ZNF534: variants seen among roughly 807,000 people sequenced by gnomAD.
ZNF534 encodes the protein KRAB domain only 3.
Under a neutral mutation model 13.6 loss-of-function variants are expected in ZNF534, and 19 were observed. That is an observed-to-expected ratio of 1.40 (90% CI 0.97 to 2.05). ZNF534 has a LOEUF of 2.05. Among genes scored for constraint, ZNF534 ranks in the 30% most tolerant of loss-of-function variants. The probability of loss-of-function intolerance (pLI) is 0.00; values close to 1 mark genes in which losing one functional copy is unlikely to be tolerated. For synonymous variants in ZNF534, 244 were observed against 273.8 expected (o/e 0.89, Z 1.07); for missense variants, 782 against 796.3 (o/e 0.98, Z 0.22).
chr19:52,450,681 T>G (rs545485289), intron 4 of ZNF534, among the ~76,000 whole-genome samples: 1,102 of 27,464 alleles, frequency 0.04, 28 homozygotes, highest in African/African-American at 0.12. Context: ...TTTTTTTTTT[T>G]TTTGTTTTTG....
At chr19:52,430,054 C>T (rs7252566) in intron 1 of ZNF534, among the ~76,000 whole-genome samples, 4,152 of 149,612 alleles carry the variant, frequency 0.028, 120 homozygotes, top group African/African-American at 0.069. Flanking sequence ...CTCACTCTGA[C>T]GCCAAGGCTG....
At chr19:52,431,147 G>A (rs1284851339) in intron 1 of ZNF534, among the ~76,000 whole-genome samples, 3 of 152,160 alleles carry the variant, frequency 2.0e-5, no homozygotes, top group Admixed American at 6.6e-5. Context: ...CACCGCACCC[G>A]GCCAAGTCTG....
rs1363048003 is a variant in ZNF534 at position 52,435,125 on chromosome 19, A to G, written c.187A>G (p.Lys63Glu). The G allele has an allele frequency of 6.2e-7, 1 of 1,613,302 alleles. No homozygotes were observed. Among genetic ancestry groups the G allele is most frequent in the Admixed American group, 1.7e-5 (1 of 59,968 alleles). ...DLSVTSMLEQKRDPWTLQSEV... is the reference protein window; with the variant it reads ...DLSVTSMLEQERDPWTLQSEV... ...GAGTGTTACCTCCATGTTGGAGCAA[A>G]AGAGAGATCCCTGGACTCTGCAGAG... Residue 63 changes from lysine to glutamate, a missense_variant, in exon 4 of 5, where the codon AAG becomes GAG. Around this residue, in one of 5 missense-constraint regions of ZNF534, gnomAD observed 30 missense variants for 55.4 expected, o/e 0.54. Coordinates refer to ENST00000433050, the MANE Select transcript of ZNF534 (RefSeq NM_001143938.3).
chr19:52,440,001 G>T lies in ZNF534; in HGVS notation c.*555G>T, dbSNP rs1017953177. Among the ~76,000 whole-genome samples, 1 of 152,170 alleles carries T rather than the reference G, an allele frequency of 6.6e-6. No homozygotes were observed. Among genetic ancestry groups the T allele is most frequent in the African/African-American group, 2.4e-5 (1 of 41,438 alleles). ...GAGAATTGCTTGAACCTGGGAGGCA[G>T]AGGTTGTGATGAGCCGAGATTGCAA... On this transcript the variant is annotated 3_prime_UTR_variant, in exon 5 of 5. Transcript: ENST00000433050.
intron 2 of ZNF534, among the ~76,000 whole-genome samples, chr19:52,433,302 C>CTTGTATCT (rs1387463780): frequency 6.9e-6 from 1 of 145,436 alleles, no homozygotes; most frequent in Non-Finnish European, 1.5e-5. Context: ...GAAGACACTA[C>CTTGTATCT]TTGTATCTCA....
Position 52,438,161 on chromosome 19 carries a change from G to T in ZNF534, c.701G>T (p.Arg234Leu). 6.2e-7 allele frequency: 1 copy of T among 1,613,670 alleles called. No individual in the cohort carries two copies. The highest frequency in any genetic ancestry group is 8.5e-7 in the Non-Finnish European group (1 of 1,179,892). ...SSNSNFAQHQ[R>L]IHTGEKPYKY... is the part of the protein sequence containing the mutation. ...AATTCAAACTTTGCACAACATCAAC[G>T]AATCCATACTGGAGAGAAGCCTTAC... Residue 234 changes from arginine (R) to leucine (L), a missense_variant, in exon 5 of 5, where the codon CGA becomes CTA. Around this residue, in one of 5 missense-constraint regions of ZNF534, gnomAD observed 591 missense variants for 574.0 expected, o/e 1.03. Transcript: ENST00000433050.
chr19:52,436,067 G>T (rs1190968967), intron 4 of ZNF534, among the ~76,000 whole-genome samples: 1 of 151,136 alleles, frequency 6.6e-6, no homozygotes, highest in African/African-American at 2.4e-5. Flanking sequence ...CTCCCAAGTA[G>T]CTGGGACTAC....
chr19:52,435,308 C>A, intron 4 of ZNF534, 99 bp downstream of exon 4: 2 of 1,338,172 alleles, frequency 1.5e-6, no homozygotes, highest in South Asian at 1.7e-5. Context: ...GCAATCATAG[C>A]TCACAGCAGC....
At chr19:52,436,616 TTG>T (rs2059130623) in intron 4 of ZNF534, among the ~76,000 whole-genome samples, 1 of 152,216 alleles carries the variant, frequency 6.6e-6, no homozygotes, top group African/African-American at 2.4e-5. Context: ...GTATTAGGGT[TTG>T]TAAGGTTTTC....
intron 4 of ZNF534, among the ~76,000 whole-genome samples, chr19:52,447,963 T>C (rs1277429519): frequency 2.6e-5 from 4 of 152,118 alleles, no homozygotes; most frequent in Non-Finnish European, 4.4e-5. Context: ...AAGTAGTCCC[T>C]CCTCTTCTGC....
intron 2 of ZNF534, among the ~76,000 whole-genome samples, chr19:52,432,995 C>T (rs2059098782): frequency 6.6e-6 from 1 of 152,054 alleles, no homozygotes; most frequent in Non-Finnish European, 1.5e-5. Flanking sequence ...GTAATCCCAG[C>T]ATTTTTGGAG....
chr19:52,437,802 G>A lies in ZNF534; in HGVS notation c.342G>A (p.Gln114=). The change falls in exon 5 of 5, where the codon CAG becomes CAA. Residue 114 remains glutamine (Q), a synonymous_variant. Coordinates refer to ENST00000433050, the MANE Select transcript of ZNF534 (RefSeq NM_001143938.3). ...AAAATCAACATGGATTAACTCTTCA[G>A]TTACATCTGACTGAATGGCAGCCAT... is the stretch of plus-strand genomic sequence containing the variant. ...SLKNQHGLTL[Q]LHLTEWQPFQ... The A allele has an allele frequency of 1.2e-6, 2 of 1,612,814 alleles. No individual in the cohort carries two copies. Among genetic ancestry groups the A allele is most frequent in the East Asian group, 2.2e-5 (1 of 44,838 alleles).
chr19:52,444,953 C>T (rs886568217), downstream of ZNF534, among the ~76,000 whole-genome samples: 3 of 152,180 alleles, frequency 2.0e-5, no homozygotes, highest in Non-Finnish European at 4.4e-5. Context: ...GCAAGTAAGG[C>T]TTTCGTGCCT....
At chr19:52,450,672 TTTTTTTTTTTTTGTTTTTGTTTTTG>T (rs901195913) in intron 4 of ZNF534, among the ~76,000 whole-genome samples, 15 of 18,246 alleles carry the variant, frequency 8.2e-4, no homozygotes, top group Non-Finnish European at 1.8e-3. Context: ...TTTTAGGAGT[TTTTTTTTTTTTTGTTTTTGTTTTTG>T]TTTTTTTTTT....
exon 5 of ZNF534, chr19:52,451,729 G>A (rs2059217921): frequency 1.5e-6 from 1 of 685,154 alleles, no homozygotes; most frequent in Non-Finnish European, 2.7e-6. Flanking sequence ...ACACTTTGTT[G>A]ATGTAGGAGC....
intron 1 of ZNF534, among the ~76,000 whole-genome samples, chr19:52,429,810 G>A (rs1168759038): frequency 6.6e-6 from 1 of 151,916 alleles, no homozygotes; most frequent in Non-Finnish European, 1.5e-5. Context: ...GGCCAGGCTG[G>A]TCTCGAACTC....
Position 52,429,210 on chromosome 19 carries a change from C to T in ZNF534, c.-102C>T, listed in dbSNP as rs1482080910. On this transcript the variant is annotated 5_prime_UTR_variant, in exon 1 of 5. Transcript: ENST00000433050. ...GCGCTTTTTCCTGTAGACCCGGCAC[C>T]CGACTGCGCGGAAAGACTGTCTAAG... 6.7e-6 allele frequency: 1 copy of T among 150,276 alleles called. No homozygotes were observed. Among genetic ancestry groups the T allele is most frequent in the African/African-American group, 2.5e-5 (1 of 39,862 alleles). The allele number at this position is 150,276 out of a possible 1,614,324, so 9.3% of individuals were successfully genotyped here. A position where few individuals can be genotyped will look rare whatever the true frequency, so the allele number is the denominator to read the frequency against.
At chr19:52,446,483 G>T (rs2059194945), downstream of ZNF534, among the ~76,000 whole-genome samples, 1 of 152,046 alleles carries the variant, frequency 6.6e-6, no homozygotes, top group African/African-American at 2.4e-5. Flanking sequence ...TATACTTTTT[G>T]GGCTTTTCTA....
chr19:52,450,697 GTT>G (rs1185132836), intron 4 of ZNF534, among the ~76,000 whole-genome samples: 2 of 24,052 alleles, frequency 8.3e-5, no homozygotes, highest in Admixed American at 1.3e-3. Context: ...TTTTGTTTTT[GTT>G]TTTTTTTTTT....
Sources: allele counts gnomAD v4.1 joint callset (sites outside exome capture counted in the v4.1 genomes callset), GRCh38; gene constraint gnomAD v4.1.1; regional missense constraint gnomAD v4.1.1; transcripts MANE v1.5; gene names NCBI Gene and HGNC (gene_info 2026-07-23, HGNC 2026-07-21).